The following RBFOX1 variants were observed in gnomAD, a reference collection of about 807,000 sequenced individuals.
RBFOX1 encodes RNA binding protein fox-1 homolog 1.
A neutral mutation model predicts 57.7 loss-of-function variants in RBFOX1; 8 were observed. The observed-to-expected ratio is 0.14, with a 90% CI of 0.08 to 0.25. The LOEUF is 0.25. Among genes scored for constraint, RBFOX1 ranks in the 10% least tolerant of loss-of-function variants. RBFOX1 has a pLI of 1.00. For missense variants in RBFOX1, 611 were observed against 548.5 expected, an observed-to-expected ratio of 1.11 and a Z score of -1.14; for synonymous variants, 326 against 222.4, an observed-to-expected ratio of 1.47 and a Z score of -4.15.
chr16:7,530,008 C>CAAAAAAAAAAAAAAAAA (rs35251344), intron 5 of RBFOX1, among the ~76,000 whole-genome samples: 5 of 125,042 alleles, frequency 4.0e-5, no homozygotes, highest in African/African-American at 1.2e-4. Context: ...GACTCCATCT[C>CAAAAAAAAAAAAAAAAA]AAAAAAAAAA....
In RBFOX1 at chr16:7,179,101, T is replaced by G. The variant is rs149828869; in HGVS notation, c.27+127003T>G. 5.8e-4 allele frequency among the ~76,000 whole-genome samples: 89 copies of G among 152,286 alleles called. No individual in the cohort carries two copies. In the East Asian group the frequency reaches 0.011, roughly 19 times the overall value. ...TTAATGTACAAAGTTCAACTTCGTT[T>G]TGGTCAGATCCCAGATTACTCGAGG... is the stretch of plus-strand genomic sequence containing the variant. On this transcript the variant is annotated intron_variant, in intron 4 of 15. Transcript: ENST00000550418.
intron 15 of RBFOX1, chr16:7,710,123 G>C (rs898900898): frequency 3.9e-6 from 4 of 1,019,184 alleles, no homozygotes; most frequent in Non-Finnish European, 4.7e-6. Flanking sequence ...CAATTCATCT[G>C]TACAACTCCA....
intron 13 of RBFOX1, among the ~76,000 whole-genome samples, chr16:7,666,595 G>A (rs760561795): frequency 2.0e-5 from 3 of 152,100 alleles, no homozygotes; most frequent in Non-Finnish European, 4.4e-5. Context: ...CTGAAGGCAG[G>A]GTCTGTGGAG....
chr16:6,818,154 G>C (rs1037210054), intron 3 of RBFOX1, among the ~76,000 whole-genome samples: 1 of 152,112 alleles, frequency 6.6e-6, no homozygotes, highest in Non-Finnish European at 1.5e-5. Flanking sequence ...CTCTGGTAGA[G>C]TACCAGGCAT....
intron 3 of RBFOX1, among the ~76,000 whole-genome samples, chr16:5,616,871 C>T (rs1020050202): frequency 2.1e-4 from 31 of 150,252 alleles, no homozygotes; most frequent in African/African-American, 7.6e-4. Context: ...CCTTCCCCAC[C>T]CCTCCCCTTC....
At chr16:6,296,214 C>G (rs914579326) in intron 1 of RBFOX1, among the ~76,000 whole-genome samples, 4 of 152,178 alleles carry the variant, frequency 2.6e-5, no homozygotes, top group Non-Finnish European at 4.4e-5. Flanking sequence ...TCCCCAGACA[C>G]TGCTTATGAC....
chr16:7,669,888 G>A (rs997679853), intron 13 of RBFOX1, among the ~76,000 whole-genome samples: 1 of 152,142 alleles, frequency 6.6e-6, no homozygotes, highest in East Asian at 1.9e-4. Context: ...CCATAGTGGA[G>A]ACCTCAGTCC....
At chr16:6,863,666 T>C (rs1377307078) in intron 3 of RBFOX1, among the ~76,000 whole-genome samples, 6 of 86,008 alleles carry the variant, frequency 7.0e-5, no homozygotes, top group African/African-American at 1.8e-4. Flanking sequence ...TTTTTTTTTT[T>C]CCTTAAAAAA....
chr16:7,243,173 G>A (rs372969681), intron 4 of RBFOX1, among the ~76,000 whole-genome samples: 1 of 152,152 alleles, frequency 6.6e-6, no homozygotes, highest in African/African-American at 2.4e-5. Flanking sequence ...ATCAGAAAGT[G>A]AATGTTCAGC....
At chr16:7,284,664 G>T (rs947974154) in intron 4 of RBFOX1, among the ~76,000 whole-genome samples, 2 of 152,144 alleles carry the variant, frequency 1.3e-5, no homozygotes, top group African/African-American at 4.8e-5. Flanking sequence ...TTTTAAGAGA[G>T]GCAGAGGACA....
intron 4 of RBFOX1, among the ~76,000 whole-genome samples, chr16:7,511,075 A>C (rs2074959051): frequency 6.6e-6 from 1 of 152,216 alleles, no homozygotes; most frequent in Non-Finnish European, 1.5e-5. Context: ...ATACCCACAC[A>C]GGAAAATGCT....
chr16:6,274,724 C>G (rs1011187952), intron 1 of RBFOX1, among the ~76,000 whole-genome samples: 1 of 152,056 alleles, frequency 6.6e-6, no homozygotes. Context: ...ACATTATTGC[C>G]TACAAATTCA....
intron 2 of RBFOX1, among the ~76,000 whole-genome samples, chr16:6,583,051 C>G (rs550611521): frequency 6.6e-6 from 1 of 151,072 alleles, no homozygotes; most frequent in African/African-American, 2.4e-5. Flanking sequence ...TCTCACCCTT[C>G]TCTTTGGTGT....
intron 5 of RBFOX1, among the ~76,000 whole-genome samples, chr16:7,555,423 A>G (rs778965488): frequency 1.3e-5 from 2 of 152,222 alleles, no homozygotes; most frequent in African/African-American, 2.4e-5. Context: ...AAATGCACGT[A>G]GTTGGGTAAG....
intron 1 of RBFOX1, among the ~76,000 whole-genome samples, chr16:6,230,442 G>A (rs892742324): frequency 1.4e-4 from 21 of 152,090 alleles, no homozygotes; most frequent in Admixed American, 3.3e-4. Context: ...CAGAATGGAA[G>A]GTCAGACCAC....
rs1322522495 is a variant in RBFOX1 at position 6,780,203 on chromosome 16, A to G, written c.-16+125553A>G. Among the ~76,000 whole-genome samples the G allele has an allele frequency of 3.0e-3, 116 of 38,152 alleles. 17 individuals are homozygous for G. Among genetic ancestry groups the G allele is most frequent in the African/African-American group, 0.025 (114 of 4,558 alleles). The allele number at this position is 38,152 out of a possible 152,430, so 25.0% of individuals were successfully genotyped here. On this transcript the variant is annotated intron_variant, in intron 3 of 15. Coordinates refer to ENST00000550418, the MANE Select transcript of RBFOX1 (RefSeq NM_018723.4). ...TTTATATATATATTTATATATTTTTATATATTTATATATATTTATATATAT... is the reference window on the plus strand; with the variant it reads ...TTTATATATATATTTATATATTTTTGTATATTTATATATATTTATATATAT...
rs895460897 is a variant in RBFOX1, at chr16:6,483,181, T to C, written c.-64+166124T>C. 6.2e-6 allele frequency: 7 copies of C among 1,136,946 alleles called. No individual in the cohort carries two copies. The African/African-American group carries it at 9.9e-5, about 16-fold the overall frequency. 70.4% of individuals were successfully genotyped at this position (1,136,946 alleles called of 1,614,324 possible). A position where few individuals can be genotyped will look rare whatever the true frequency, so the allele number is the denominator to read the frequency against. Reference sequence around the variant, plus strand: ...ATTGGGCGTCTCATTTGGCGAGCGTTTTGGCGCGGACAGAGGCCGAGGCCG... The same window carrying C: ...ATTGGGCGTCTCATTTGGCGAGCGTCTTGGCGCGGACAGAGGCCGAGGCCG... On this transcript the variant is annotated intron_variant, in intron 2 of 15. Coordinates refer to ENST00000550418, the MANE Select transcript of RBFOX1 (RefSeq NM_018723.4).
intron 3 of RBFOX1, among the ~76,000 whole-genome samples, chr16:5,787,726 C>A (rs1358838613): frequency 6.6e-6 from 1 of 152,144 alleles, no homozygotes; most frequent in African/African-American, 2.4e-5. Flanking sequence ...GTGACACCAC[C>A]AGCCAAGGGG....
At chr16:7,536,186 T>C (rs909449984) in intron 5 of RBFOX1, among the ~76,000 whole-genome samples, 3 of 152,322 alleles carry the variant, frequency 2.0e-5, no homozygotes, top group East Asian at 3.9e-4. Context: ...TGTAATTACA[T>C]TTGCAAAAAC....
Sources: gnomAD v4.1 joint callset for allele counts (sites outside exome capture counted in the v4.1 genomes callset) on GRCh38, gnomAD v4.1.1 for gene constraint, MANE v1.5 for transcripts, NCBI Gene and HGNC (gene_info 2026-07-23, HGNC 2026-07-21) for gene names.